The following CFAP20DC variants were observed in gnomAD, a reference collection of about 807,000 sequenced individuals.
CFAP20DC encodes CFAP20 domain containing, also known as protein CFAP20DC.
CFAP20DC carries 84 observed loss-of-function variants against 101.7 expected under a neutral mutation model. That is an observed-to-expected ratio of 0.83 (90% CI 0.69 to 0.99). The LOEUF (loss-of-function observed/expected upper bound fraction) is 0.99, where lower values mean the gene tolerates loss of function less well. Ranked by LOEUF, CFAP20DC falls within the 50% of genes least tolerant of loss-of-function variation. The pLI is 0.00. For synonymous variants in CFAP20DC, 359 were observed against 351.2 expected (o/e 1.02, Z -0.25); for missense variants, 1,007 against 970.3 (o/e 1.04, Z -0.50).
At chr3:58,821,588 C>G (rs1221140133) in intron 14 of CFAP20DC, among the ~76,000 whole-genome samples, 1 of 149,572 alleles carries the variant, frequency 6.7e-6, no homozygotes, top group Non-Finnish European at 1.5e-5. Flanking sequence ...ATCAAAACCA[C>G]TATGAGATAC....
At chr3:59,008,809 A>C (rs946577532) in intron 4 of CFAP20DC, among the ~76,000 whole-genome samples, 2 of 152,106 alleles carry the variant, frequency 1.3e-5, no homozygotes, top group Non-Finnish European at 2.9e-5. Flanking sequence ...ATGTATACAT[A>C]TGTAACAAAC....
In CFAP20DC at chr3:58,728,917, T is replaced by C. The variant is rs1483400990; in HGVS notation, c.198-11289A>G. On this transcript the variant is annotated intron_variant, in intron 3 of 3. Transcript: ENST00000486145. This position sits in a 1 kb window ranked among gnomAD's most constrained non-coding sequence, Gnocchi z 4.7. Reference sequence around the variant, plus strand: ...GCTGGTCTGTGTGACCAATCAAGTATGGATGATGATGATGTGTGACTGCTG... The same window carrying C: ...GCTGGTCTGTGTGACCAATCAAGTACGGATGATGATGATGTGTGACTGCTG... 5.9e-5 allele frequency among the ~76,000 whole-genome samples: 9 copies of C among 152,124 alleles called. No homozygotes were observed. Among genetic ancestry groups the C allele is most frequent in the Admixed American group, 5.2e-4 (8 of 15,276 alleles).
intron 12 of CFAP20DC, among the ~76,000 whole-genome samples, chr3:58,860,450 GC>G (rs2079158618): frequency 6.6e-6 from 1 of 152,150 alleles, no homozygotes; most frequent in African/African-American, 2.4e-5. Flanking sequence ...AAGCCTTCCG[GC>G]TAATCTGAAC....
chr3:58,929,732 C>T (rs992643705), intron 5 of CFAP20DC, among the ~76,000 whole-genome samples: 2 of 152,320 alleles, frequency 1.3e-5, no homozygotes, highest in African/African-American at 4.8e-5. Flanking sequence ...GAACAGCAAG[C>T]CCAGTGGATC....
chr3:59,047,870 G>A (rs767517527), intron 1 of CFAP20DC, among the ~76,000 whole-genome samples: 3 of 152,126 alleles, frequency 2.0e-5, no homozygotes, highest in Non-Finnish European at 4.4e-5. Flanking sequence ...AAATGGGAAG[G>A]GAAATTAAAC....
chr3:58,718,481 T>A (rs2067426471), intron 3 of CFAP20DC, among the ~76,000 whole-genome samples: 2 of 152,166 alleles, frequency 1.3e-5, no homozygotes, highest in African/African-American at 4.8e-5. Context: ...GTATCCTCTG[T>A]CCACTCTGGG....
chr3:58,951,391 G>A (rs2090086380), intron 4 of CFAP20DC, among the ~76,000 whole-genome samples: 1 of 152,304 alleles, frequency 6.6e-6, no homozygotes, highest in South Asian at 2.1e-4. Flanking sequence ...ATTTGACCCA[G>A]CCATCCCATT....
intron 14 of CFAP20DC, among the ~76,000 whole-genome samples, chr3:58,815,976 G>A (rs1253108473): frequency 2.0e-5 from 3 of 151,636 alleles, no homozygotes; most frequent in African/African-American, 7.3e-5. Flanking sequence ...TCTAGAACTG[G>A]AAATATCATT....
chr3:58,979,711 CAAAGG>C (rs1285783689), intron 4 of CFAP20DC, among the ~76,000 whole-genome samples: 1 of 152,114 alleles, frequency 6.6e-6, no homozygotes, highest in Non-Finnish European at 1.5e-5. Context: ...TAGCACTTGC[CAAAGG>C]ATTGCTTGAA....
chr3:58,804,797 T>C (rs1227867172), intron 15 of CFAP20DC, among the ~76,000 whole-genome samples: 1 of 152,244 alleles, frequency 6.6e-6, no homozygotes, highest in Non-Finnish European at 1.5e-5. Context: ...TGTTCACCTA[T>C]TGAGAGATAG....
chr3:58,809,473 A>T (rs2074415709), intron 14 of CFAP20DC, among the ~76,000 whole-genome samples: 1 of 152,158 alleles, frequency 6.6e-6, no homozygotes, highest in Non-Finnish European at 1.5e-5. Flanking sequence ...AACGAAATGA[A>T]GGCAGAAATA....
At position 58,849,350 on chromosome 3, in the gene CFAP20DC, CTGAGT is replaced by C. The variant is rs754504083; in HGVS notation, c.1648_1652del (p.Thr550ValfsTer16). On this transcript the variant is annotated frameshift_variant, in exon 13 of 17. Transcript: ENST00000482387. LOFTEE classifies it high-confidence loss of function. Reference sequence around the variant, plus strand: ...TCCCCAGCAGGCTCTCTAATGTTAACTGAGTTAACTCTGAAGGACCAGTTGTTGGG... The same window carrying C: ...TCCCCAGCAGGCTCTCTAATGTTAACTAACTCTGAAGGACCAGTTGTTGGG... 4.0e-5 allele frequency: 62 copies of C among 1,535,956 alleles called. No individual in the cohort carries two copies. Among genetic ancestry groups the C allele is most frequent in the Non-Finnish European group, 5.1e-5 (59 of 1,146,834 alleles).
Position 58,816,145 on chromosome 3 carries a change from T to C in CFAP20DC, c.2176-9689A>G, listed in dbSNP as rs542907959. 1.1e-4 allele frequency among the ~76,000 whole-genome samples: 16 copies of C among 151,594 alleles called. 1 individual carries two copies. The highest frequency in any genetic ancestry group is 7.7e-4 in the East Asian group (4 of 5,166). On this transcript the variant is annotated intron_variant, in intron 14 of 16. Transcript: ENST00000482387. Reference sequence around the variant, plus strand: ...ACAATGATAGACTGGATTAAGAAAATGTGGCACACATACACCATGGAATAC... The same window carrying C: ...ACAATGATAGACTGGATTAAGAAAACGTGGCACACATACACCATGGAATAC...
intron 4 of CFAP20DC, among the ~76,000 whole-genome samples, chr3:58,997,518 A>C (rs995010293): frequency 1.3e-5 from 2 of 152,230 alleles, no homozygotes; most frequent in African/African-American, 4.8e-5. Context: ...TTGATTCTGC[A>C]TATTCTCTCT....
At chr3:58,826,502 G>A (rs1355324692) in intron 14 of CFAP20DC, among the ~76,000 whole-genome samples, 1 of 152,024 alleles carries the variant, frequency 6.6e-6, no homozygotes, top group Non-Finnish European at 1.5e-5. Context: ...TTCCCTCCCT[G>A]TGTCCATGTG....
intron 4 of CFAP20DC, among the ~76,000 whole-genome samples, chr3:58,938,801 G>A (rs2088083340): frequency 6.6e-6 from 1 of 151,926 alleles, no homozygotes; most frequent in Non-Finnish European, 1.5e-5. Flanking sequence ...ACAATGTTAA[G>A]AATAAATACA....
intron 3 of CFAP20DC, among the ~76,000 whole-genome samples, chr3:58,730,597 C>T (rs1317142110): frequency 6.6e-6 from 1 of 152,122 alleles, no homozygotes; most frequent in Non-Finnish European, 1.5e-5. Context: ...GGAATCAAAG[C>T]GTCTTTCCAA....
chr3:58,770,725 G>C (rs913775920), intron 15 of CFAP20DC, among the ~76,000 whole-genome samples: 1 of 152,182 alleles, frequency 6.6e-6, no homozygotes, highest in African/African-American at 2.4e-5. Flanking sequence ...TTATGAAGGC[G>C]CTGGGGACCT....
At chr3:58,784,476 T>C (rs776798301) in intron 15 of CFAP20DC, among the ~76,000 whole-genome samples, 40 of 152,154 alleles carry the variant, frequency 2.6e-4, no homozygotes, top group African/African-American at 8.9e-4. Flanking sequence ...TCATGCAATA[T>C]ACCCACGTAA....
Sources: gnomAD v4.1 joint callset for allele counts (sites outside exome capture counted in the v4.1 genomes callset) on GRCh38, gnomAD v4.1.1 for gene constraint, Gnocchi (gnomAD v3.1) non-coding constraint, MANE v1.5 for transcripts, NCBI Gene and HGNC (gene_info 2026-07-23, HGNC 2026-07-21) for gene names.